Variants in ADGRB3 observed in about 807,000 individuals in gnomAD.
ADGRB3 encodes adhesion G protein-coupled receptor B3.
Under a neutral mutation model 193.4 loss-of-function variants are expected in ADGRB3, and 37 were observed. That is an observed-to-expected ratio of 0.19 (90% CI 0.15 to 0.25). The LOEUF is 0.25. Ranked by LOEUF, ADGRB3 falls within the 10% of genes least tolerant of loss-of-function variation. ADGRB3 has a pLI of 1.00. For missense variants in ADGRB3, 1,637 were observed against 1,852.9 expected (o/e 0.88, Z 2.14); for synonymous variants, 690 against 644.2 (o/e 1.07, Z -1.08).
At chr6:69,256,554 G>A (rs1332962196) in intron 20 of ADGRB3, among the ~76,000 whole-genome samples, 1 of 151,880 alleles carries the variant, frequency 6.6e-6, no homozygotes, top group Non-Finnish European at 1.5e-5. Context: ...CATTGATTTT[G>A]TATCCTGAGA....
chr6:69,363,405 TTAGCATTTATA>T (rs1769494072), intron 29 of ADGRB3, among the ~76,000 whole-genome samples: 1 of 152,134 alleles, frequency 6.6e-6, no homozygotes, highest in African/African-American at 2.4e-5. Context: ...ATAATAAAAA[TTAGCATTTATA>T]TAGCATCTTT....
At chr6:69,136,266 A>G (rs532522596) in intron 17 of ADGRB3, among the ~76,000 whole-genome samples, 39 of 152,222 alleles carry the variant, frequency 2.6e-4, no homozygotes, top group Non-Finnish European at 4.6e-4. Flanking sequence ...ACATTGGTTT[A>G]TCTCTCTCAT....
At chr6:68,840,356 G>A (rs572881228) in intron 3 of ADGRB3, among the ~76,000 whole-genome samples, 1 of 138,774 alleles carries the variant, frequency 7.2e-6, no homozygotes, top group African/African-American at 2.7e-5. Flanking sequence ...AGTGGAGTAA[G>A]GCACTGGGCA....
chr6:68,728,207 C>T (rs1460209888), intron 3 of ADGRB3, among the ~76,000 whole-genome samples: 1 of 151,286 alleles, frequency 6.6e-6, no homozygotes. Flanking sequence ...TTTTAAAGTG[C>T]ATTTGATTTC....
chr6:69,141,371 C>T (rs1341002164), intron 17 of ADGRB3, among the ~76,000 whole-genome samples: 1 of 151,960 alleles, frequency 6.6e-6, no homozygotes, highest in Non-Finnish European at 1.5e-5. Flanking sequence ...GATCCACCCG[C>T]CTCGGCCTCC....
At chr6:69,239,329 CA>C in intron 20 of ADGRB3, 103 bp downstream of exon 20, 1 of 820,936 alleles carries the variant, frequency 1.2e-6, no homozygotes, top group East Asian at 2.8e-5. Context: ...GAACTTCTGA[CA>C]AAATTATATT....
chr6:69,036,220 G>T (rs1240071745), intron 13 of ADGRB3, among the ~76,000 whole-genome samples: 1 of 152,144 alleles, frequency 6.6e-6, no homozygotes, highest in Non-Finnish European at 1.5e-5. Flanking sequence ...GAATAAAAAA[G>T]AGTTGGCATG....
intron 20 of ADGRB3, among the ~76,000 whole-genome samples, chr6:69,302,600 T>C (rs2127297139): frequency 6.6e-6 from 1 of 151,966 alleles, no homozygotes; most frequent in South Asian, 2.1e-4. Flanking sequence ...GTCATAAAAA[T>C]ATTTAAAGCT....
intron 3 of ADGRB3, among the ~76,000 whole-genome samples, chr6:68,825,467 A>G (rs1767825406): frequency 6.8e-6 from 1 of 146,802 alleles, no homozygotes; most frequent in African/African-American, 2.4e-5. Flanking sequence ...CATATGTGTC[A>G]TGTGTAAGTA....
chr6:68,681,149 A>G (rs1031331106), intron 3 of ADGRB3, among the ~76,000 whole-genome samples: 2 of 152,112 alleles, frequency 1.3e-5, no homozygotes, highest in East Asian at 1.9e-4. Context: ...AGCTCTAACT[A>G]ATAGAGCTAG....
chr6:69,206,894 G>A (rs1765551471), intron 17 of ADGRB3, among the ~76,000 whole-genome samples: 1 of 152,092 alleles, frequency 6.6e-6, no homozygotes, highest in Admixed American at 6.6e-5. Flanking sequence ...TTCTTGAAGG[G>A]TCTGGGTCAT....
At chr6:68,771,175 G>A (rs1203127615) in intron 3 of ADGRB3, among the ~76,000 whole-genome samples, 1 of 151,668 alleles carries the variant, frequency 6.6e-6, no homozygotes, top group Non-Finnish European at 1.5e-5. Context: ...TTTTCATTAT[G>A]GAATGTTTCA....
intron 3 of ADGRB3, among the ~76,000 whole-genome samples, chr6:68,709,689 A>T (rs74680620): frequency 0.015 from 2,282 of 152,292 alleles, 51 homozygotes; most frequent in African/African-American, 0.047. Flanking sequence ...TTTTCTCTGG[A>T]AGGAATATCA....
rs760206642 is a variant in ADGRB3 at position 68,708,124 on chromosome 6, T to G, written c.757+68692T>G. Among the ~76,000 whole-genome samples, 3 of 152,192 alleles carry G rather than the reference T, an allele frequency of 2.0e-5. No homozygotes were observed. The East Asian group carries it at 5.8e-4, about 29-fold the overall frequency. ...TCCATGAAATTTTCAGGTAACAGAC[T>G]TTTTGTATTTGAGCCAGGGCTGACC... On this transcript the variant is annotated intron_variant, in intron 3 of 31. Coordinates refer to ENST00000370598, the MANE Select transcript of ADGRB3 (RefSeq NM_001704.3).
chr6:68,680,833 A>G (rs1007710312), intron 3 of ADGRB3, among the ~76,000 whole-genome samples: 30 of 152,230 alleles, frequency 2.0e-4, no homozygotes, highest in African/African-American at 7.2e-4. Flanking sequence ...CATTAAACAA[A>G]TACTCAAAAA....
At chr6:68,653,486 A>T (rs1312948707) in intron 3 of ADGRB3, among the ~76,000 whole-genome samples, 1 of 152,070 alleles carries the variant, frequency 6.6e-6, no homozygotes, top group East Asian at 1.9e-4. Flanking sequence ...GTATGCACAT[A>T]TTCCACATTG....
At position 68,855,032 on chromosome 6, in the gene ADGRB3, C is replaced by T. The variant is rs148668473; in HGVS notation, c.758-75527C>T. Among the ~76,000 whole-genome samples the T allele has an allele frequency of 2.4e-3, 367 of 152,272 alleles. 2 individuals are homozygous for T. The highest frequency in any genetic ancestry group is 4.0e-3 in the Non-Finnish European group (273 of 68,036). On this transcript the variant is annotated intron_variant, in intron 3 of 31. Transcript: ENST00000370598. ...TTGCCTAAGGAGTCAGACCTAGGCA[C>T]GACAGCTTTTATCAGGAAGGAACCT...
intron 20 of ADGRB3, among the ~76,000 whole-genome samples, chr6:69,289,800 T>C (rs1767627678): frequency 6.6e-6 from 1 of 151,562 alleles, no homozygotes; most frequent in East Asian, 1.9e-4. Flanking sequence ...TTTCCAATTG[T>C]GTTCATCACC....
At chr6:69,050,454 T>A (rs1368658822) in intron 15 of ADGRB3, among the ~76,000 whole-genome samples, 1 of 152,182 alleles carries the variant, frequency 6.6e-6, no homozygotes, top group East Asian at 1.9e-4. Flanking sequence ...CTATTTGTGT[T>A]TGTGTTTTGC....
Sources: allele counts gnomAD v4.1 joint callset (sites outside exome capture counted in the v4.1 genomes callset), GRCh38; gene constraint gnomAD v4.1.1; transcripts MANE v1.5; gene names NCBI Gene and HGNC (gene_info 2026-07-23, HGNC 2026-07-21).